NEMP1: variants seen among roughly 807,000 people sequenced by gnomAD.
NEMP1 encodes transmembrane protein 194.
A neutral mutation model predicts 53.7 loss-of-function variants in NEMP1; 29 were observed. That is an observed-to-expected ratio of 0.54 (90% CI 0.40 to 0.74). The LOEUF is 0.74. Among genes scored for constraint, NEMP1 ranks in the 30% least tolerant of loss-of-function variants. NEMP1 has a pLI of 0.00. For synonymous variants in NEMP1, 193 were observed against 192.9 expected, an observed-to-expected ratio of 1.00 and a Z score of 0.00; for missense variants, 477 against 528.6, an observed-to-expected ratio of 0.90 and a Z score of 0.96.
chr12:57,087,327 C>G (rs2033033261), intron 1 of NEMP1, among the ~76,000 whole-genome samples: 1 of 151,726 alleles, frequency 6.6e-6, no homozygotes, highest in Non-Finnish European at 1.5e-5. Context: ...GGGGGCGCCT[C>G]GAGCAGAGGC....
At position 57,070,765 on chromosome 12, in the gene NEMP1, G is replaced by A. The variant is rs952812764; in HGVS notation, c.381C>T (p.Thr127=). Residue 127 remains threonine (T), a synonymous_variant, in exon 3 of 9, where the codon ACC becomes ACT. Coordinates refer to ENST00000300128, the MANE Select transcript of NEMP1 (RefSeq NM_001130963.2). ...SSFLKEKLND[T]YVNVGLYSTK... is the part of the protein sequence containing the mutation. Reference sequence around the variant, plus strand: ...TGCTGTATAGACCCACGTTAACATAGGTGTCATTCAATTTCTCTTTTAAAA... The same window carrying A: ...TGCTGTATAGACCCACGTTAACATAAGTGTCATTCAATTTCTCTTTTAAAA... The A allele has an allele frequency of 6.2e-7, 1 of 1,606,726 alleles. No homozygotes were observed. The highest frequency in any genetic ancestry group is 8.5e-7 in the Non-Finnish European group (1 of 1,176,050).
At position 57,065,719 on chromosome 12, in the gene NEMP1, C is replaced by T. The variant is rs186327721; in HGVS notation, c.546-980G>A. 1.8e-3 allele frequency among the ~76,000 whole-genome samples: 276 copies of T among 151,688 alleles called. 1 individual carries two copies. Among genetic ancestry groups the T allele is most frequent in the Middle Eastern group, 6.8e-3 (2 of 292 alleles). The stretch of plus-strand genomic sequence containing the variant: ...TTCACCATGTTGCTCAGGCTGGTCT[C>T]GAACTCCCTGGGCTCAAGTGATCTG... On this transcript the variant is annotated intron_variant, in intron 4 of 8. Transcript: ENST00000300128.
chr12:57,064,620 C>T, intron 5 of NEMP1, 26 bp downstream of exon 5: 1 of 1,542,278 alleles, frequency 6.5e-7, no homozygotes, highest in Admixed American at 1.8e-5. Flanking sequence ...TTCATTCTAG[C>T]TGCACATGAA....
At chr12:57,084,508 T>C (rs930081590) in intron 1 of NEMP1, among the ~76,000 whole-genome samples, 1 of 152,170 alleles carries the variant, frequency 6.6e-6, no homozygotes, top group Non-Finnish European at 1.5e-5. Flanking sequence ...TTTCCCCCCA[T>C]GCCAGTGCCT....
intron 1 of NEMP1, among the ~76,000 whole-genome samples, chr12:57,076,802 C>T (rs2032641984): frequency 6.7e-6 from 1 of 149,132 alleles, no homozygotes; most frequent in Admixed American, 6.7e-5. Context: ...GAAACTCTGT[C>T]TCAAAAAAAA....
chr12:57,069,693 T>C (rs890958808), intron 3 of NEMP1, among the ~76,000 whole-genome samples: 1 of 151,878 alleles, frequency 6.6e-6, no homozygotes, highest in African/African-American at 2.4e-5. Flanking sequence ...CCCAGAACTG[T>C]GGGTCAGGGC....
intron 1 of NEMP1, among the ~76,000 whole-genome samples, chr12:57,086,207 G>T (rs1204110381): frequency 6.6e-6 from 1 of 152,170 alleles, no homozygotes; most frequent in East Asian, 1.9e-4. Context: ...GCGTAGGGAC[G>T]ACAGTCTCTG....
chr12:57,064,620 C>A, intron 5 of NEMP1, 26 bp downstream of exon 5: 1 of 1,542,276 alleles, frequency 6.5e-7, no homozygotes, highest in Non-Finnish European at 8.9e-7. Flanking sequence ...TTCATTCTAG[C>A]TGCACATGAA....
At chr12:57,073,466 C>T (rs564326989) in intron 1 of NEMP1, among the ~76,000 whole-genome samples, 1 of 151,480 alleles carries the variant, frequency 6.6e-6, no homozygotes, top group Non-Finnish European at 1.5e-5. Flanking sequence ...ATGGAGAAAC[C>T]CCCCCGTCTC....
Position 57,058,553 on chromosome 12 carries a change from T to C in NEMP1, c.*1326A>G, listed in dbSNP as rs924555085. ...CTGGTTTATAAGGGGTACTTTGCAA[T>C]GGCAAAAGAATCTGAAACTAATGCT... On this transcript the variant is annotated 3_prime_UTR_variant, in exon 9 of 9. Coordinates refer to ENST00000300128, the MANE Select transcript of NEMP1 (RefSeq NM_001130963.2). The C allele has an allele frequency of 2.0e-5, 3 of 152,228 alleles. No homozygotes were observed. The highest frequency in any genetic ancestry group is 6.5e-5 in the Admixed American group (1 of 15,274). 9.4% of individuals were successfully genotyped at this position (152,228 alleles called of 1,614,324 possible).
In NEMP1 at chr12:57,063,261, G is replaced by C. The variant is rs183995352; in HGVS notation, c.838C>G (p.Leu280Val). The change falls in exon 7 of 9, where the codon CTG (leucine) becomes GTG (valine). Residue 280 changes from leucine (L) to valine (V), a missense_variant. Leu to Val is a conservative substitution (Grantham distance 32). Coordinates refer to ENST00000300128, the MANE Select transcript of NEMP1 (RefSeq NM_001130963.2). ...CCCATCAGCTGCAAGGTCCAGGTCA[G>C]CAGGTTGATACTTCGTTCATTCTCC... ...PLENERSINL[L>V]TWTLQLMGLC... 1.1e-5 allele frequency: 18 copies of C among 1,614,206 alleles called. No individual in the cohort carries two copies. The Admixed American group carries it at 2.2e-4, about 19-fold the overall frequency.
At chr12:57,060,608 T>G (rs538561771) in intron 8 of NEMP1, among the ~76,000 whole-genome samples, 164 bp downstream of exon 8, 17 of 152,298 alleles carry the variant, frequency 1.1e-4, no homozygotes, top group African/African-American at 3.8e-4. Context: ...AGGAAACAGG[T>G]TACTGCTTAA....
intron 1 of NEMP1, among the ~76,000 whole-genome samples, chr12:57,074,316 G>T (rs1456747538): frequency 5.9e-5 from 8 of 134,766 alleles, no homozygotes; most frequent in African/African-American, 2.2e-4. Context: ...TTTTCAGACA[G>T]GGTCTCACTC....
chr12:57,069,528 G>A (rs2032250211), intron 3 of NEMP1, among the ~76,000 whole-genome samples: 1 of 151,956 alleles, frequency 6.6e-6, no homozygotes, highest in Non-Finnish European at 1.5e-5. Context: ...TTTTACTTAG[G>A]CTACCTATGC....
At chr12:57,060,597 G>A (rs1320520432) in intron 8 of NEMP1, among the ~76,000 whole-genome samples, 175 bp downstream of exon 8, 1 of 152,176 alleles carries the variant, frequency 6.6e-6, no homozygotes, top group Non-Finnish European at 1.5e-5. Flanking sequence ...ATAGTTCCCT[G>A]AGGAAACAGG....
intron 1 of NEMP1, among the ~76,000 whole-genome samples, chr12:57,084,744 T>C (rs554642654): frequency 4.3e-4 from 65 of 152,302 alleles, no homozygotes; most frequent in African/African-American, 1.5e-3. Context: ...ACTATAATAA[T>C]GTTATTCAAT....
At chr12:57,070,566 C>T in intron 3 of NEMP1, 108 bp downstream of exon 3, 1 of 902,506 alleles carries the variant, frequency 1.1e-6, no homozygotes, top group Non-Finnish European at 1.7e-6. Flanking sequence ...ATAATCAGAA[C>T]CCAACTGGAG....
chr12:57,083,074 T>C (rs2032895729), upstream of NEMP1, among the ~76,000 whole-genome samples: 1 of 152,118 alleles, frequency 6.6e-6, no homozygotes, highest in Non-Finnish European at 1.5e-5. Flanking sequence ...TATGTATATG[T>C]ATTTTTTTAT....
upstream of NEMP1, chr12:57,078,909 T>C: frequency 2.8e-6 from 2 of 710,536 alleles, no homozygotes; most frequent in Non-Finnish European, 4.5e-6. Context: ...TCCCGCCCCT[T>C]AGCAACTGAA....
Sources: gnomAD v4.1 joint callset for allele counts (sites outside exome capture counted in the v4.1 genomes callset) on GRCh38, gnomAD v4.1.1 for gene constraint, MANE v1.5 for transcripts, NCBI Gene and HGNC (gene_info 2026-07-23, HGNC 2026-07-21) for gene names.